Variants in BAZ2B observed in about 807,000 individuals in gnomAD.
The protein encoded by BAZ2B is bromodomain adjacent to zinc finger domain 2B, also known as bromodomain adjacent to zinc finger domain protein 2B.
A neutral mutation model predicts 246.0 loss-of-function variants in BAZ2B; 91 were observed. That is an observed-to-expected ratio of 0.37 (90% confidence interval 0.31 to 0.44). The LOEUF is 0.44. Ranked by LOEUF, BAZ2B falls within the 20% of genes least tolerant of loss-of-function variation. BAZ2B has a pLI of 1.00. For synonymous variants in BAZ2B, 855 were observed against 860.0 expected (o/e 0.99, Z 0.10); for missense variants, 2,332 against 2,533.7 (o/e 0.92, Z 1.71).
At chr2:159,410,581 C>A (rs1019918247) in intron 14 of BAZ2B, among the ~76,000 whole-genome samples, 2 of 152,076 alleles carry the variant, frequency 1.3e-5, no homozygotes, top group South Asian at 2.1e-4. Context: ...CCCAGCCATG[C>A]GAAACTGTGA....
chr2:159,446,554 G>A (rs979278220), intron 6 of BAZ2B, among the ~76,000 whole-genome samples: 2 of 152,134 alleles, frequency 1.3e-5, no homozygotes, highest in East Asian at 3.9e-4. Flanking sequence ...AAAGTTATAT[G>A]AAAAGCAATT....
chr2:159,691,051 GGTGT>G, the BAZ2B span, among the ~76,000 whole-genome samples: 2 of 151,944 alleles, frequency 1.3e-5, no homozygotes, highest in African/African-American at 4.8e-5. Flanking sequence ...ATACATCAAA[GGTGT>G]GTATATATAT....
chr2:159,640,292 C>T, the BAZ2B span, among the ~76,000 whole-genome samples: 8 of 151,874 alleles, frequency 5.3e-5, no homozygotes, highest in Admixed American at 5.3e-4. Flanking sequence ...GACAGATCTC[C>T]CAGACACAAG....
chr2:159,468,673 A>G (rs2077384223), intron 3 of BAZ2B, among the ~76,000 whole-genome samples: 2 of 152,226 alleles, frequency 1.3e-5, no homozygotes, highest in Admixed American at 6.5e-5. Flanking sequence ...CAGTAATTAC[A>G]AGGGAAATTC....
intron 35 of BAZ2B, 112 bp downstream of exon 35, chr2:159,325,540 CA>C (rs1385999233): frequency 1.6e-5 from 19 of 1,185,030 alleles, no homozygotes; most frequent in East Asian, 8.5e-5. Flanking sequence ...TTATGCTTTA[CA>C]TTTTTTTATT....
chr2:159,675,721 T>C, the BAZ2B span, among the ~76,000 whole-genome samples: 5,255 of 152,266 alleles, frequency 0.035, 138 homozygotes, highest in South Asian at 0.087. Flanking sequence ...CCAGCTTTTC[T>C]AAGTGAAAGG....
At chr2:159,583,649 A>G (rs1687363190) in intron 1 of BAZ2B, among the ~76,000 whole-genome samples, 1 of 152,230 alleles carries the variant, frequency 6.6e-6, no homozygotes, top group Non-Finnish European at 1.5e-5. Flanking sequence ...TTTGTGAACA[A>G]AAAGAAAAAA....
chr2:159,627,932 C>T, the BAZ2B span, among the ~76,000 whole-genome samples: 23 of 152,274 alleles, frequency 1.5e-4, no homozygotes, highest in Admixed American at 7.2e-4. Context: ...ATTGTCTCAG[C>T]GCAAAATCTC....
the BAZ2B span, among the ~76,000 whole-genome samples, chr2:159,661,562 C>T: frequency 3.3e-5 from 5 of 152,146 alleles, no homozygotes; most frequent in African/African-American, 9.7e-5. Context: ...TATTCCCACA[C>T]ATAGGGTTCT....
At chr2:159,422,484 C>T (rs1156548210) in intron 13 of BAZ2B, among the ~76,000 whole-genome samples, 2 of 152,100 alleles carry the variant, frequency 1.3e-5, no homozygotes, top group East Asian at 3.9e-4. Context: ...CAATAACAAG[C>T]AATGGAGAAA....
intron 3 of BAZ2B, among the ~76,000 whole-genome samples, chr2:159,475,622 G>C (rs2078430949): frequency 6.6e-6 from 1 of 152,198 alleles, no homozygotes; most frequent in South Asian, 2.1e-4. Context: ...TCCTTTGTAG[G>C]AGAAGAGGTG....
Position 159,478,496 on chromosome 2 carries a change from T to G in BAZ2B, c.145+79A>C, listed in dbSNP as rs2078877968. On this transcript the variant is annotated intron_variant, in intron 3 of 36. Coordinates refer to ENST00000392783, the MANE Select transcript of BAZ2B (RefSeq NM_013450.4). ...GGTCAATGCAAGTCATGAGAATATT[T>G]TATTCAGTGCTCAATAAAATATTAT... 5 of 1,423,112 alleles carry G rather than the reference T, an allele frequency of 3.5e-6. No individual in the cohort carries two copies. The Admixed American group carries it at 1.2e-4, about 33-fold the overall frequency. The allele number at this position is 1,423,112 out of a possible 1,614,324, so 88.2% of individuals were successfully genotyped here.
At chr2:159,557,311 A>G (rs1372988521) in intron 1 of BAZ2B, among the ~76,000 whole-genome samples, 1 of 150,282 alleles carries the variant, frequency 6.7e-6, no homozygotes, top group Non-Finnish European at 1.5e-5. Flanking sequence ...CTCTGTTCTT[A>G]AAGCAAGTTA....
intron 20 of BAZ2B, among the ~76,000 whole-genome samples, chr2:159,395,047 T>C (rs1380724933): frequency 6.6e-6 from 1 of 152,150 alleles, no homozygotes; most frequent in Non-Finnish European, 1.5e-5. Context: ...ACTTATTAAA[T>C]GCTTATCTCA....
At chr2:159,378,481 C>T (rs2061645897) in intron 25 of BAZ2B, among the ~76,000 whole-genome samples, 1 of 152,066 alleles carries the variant, frequency 6.6e-6, no homozygotes, top group South Asian at 2.1e-4. Flanking sequence ...TAAAGTGCTT[C>T]TTCATGGCAA....
intron 30 of BAZ2B, among the ~76,000 whole-genome samples, chr2:159,348,033 T>G (rs115403764): frequency 0.015 from 2,270 of 152,062 alleles, 51 homozygotes; most frequent in African/African-American, 0.052. Flanking sequence ...TATAAAATGG[T>G]GTTGGCCAGG....
intron 1 of BAZ2B, among the ~76,000 whole-genome samples, chr2:159,564,952 C>T (rs919050816): frequency 2.0e-5 from 3 of 152,174 alleles, no homozygotes; most frequent in African/African-American, 7.2e-5. Context: ...CTCACTGCAA[C>T]CTTCACCTCA....
At chr2:159,448,074 T>C (rs1028609882) in intron 5 of BAZ2B, among the ~76,000 whole-genome samples, 168 bp downstream of exon 5, 4 of 152,082 alleles carry the variant, frequency 2.6e-5, no homozygotes, top group African/African-American at 9.7e-5. Flanking sequence ...CAGTAAGCTA[T>C]GATCATACAA....
At chr2:159,404,210 T>G (rs1423276085) in intron 16 of BAZ2B, among the ~76,000 whole-genome samples, 1 of 152,142 alleles carries the variant, frequency 6.6e-6, no homozygotes, top group Non-Finnish European at 1.5e-5. Flanking sequence ...GTTTACACAT[T>G]CTCATCTTAA....
Sources: gnomAD v4.1 joint callset for allele counts (sites outside exome capture counted in the v4.1 genomes callset) on GRCh38, gnomAD v4.1.1 for gene constraint, MANE v1.5 for transcripts, NCBI Gene and HGNC (gene_info 2026-07-23, HGNC 2026-07-21) for gene names.